Variants in WWOX observed in about 807,000 individuals in gnomAD.
The protein encoded by WWOX is WW domain containing oxidoreductase, also known as WW domain-containing oxidoreductase.
A neutral mutation model predicts 46.2 loss-of-function variants in WWOX; 69 were observed. The observed-to-expected ratio is 1.49, with a 90% CI of 1.23 to 1.82. WWOX has a LOEUF of 1.82. Among genes scored for constraint, WWOX ranks in the 40% most tolerant of loss-of-function variants. WWOX has a pLI of 0.00. For synonymous variants in WWOX, 359 were observed against 202.6 expected, an observed-to-expected ratio of 1.77 and a Z score of -6.56; for missense variants, 919 against 542.6, an observed-to-expected ratio of 1.69 and a Z score of -6.89.
chr16:78,647,867 T>C (rs987375389), intron 8 of WWOX, among the ~76,000 whole-genome samples: 1 of 151,554 alleles, frequency 6.6e-6, no homozygotes, highest in African/African-American at 2.4e-5. Flanking sequence ...AGCTCTTTTT[T>C]TCTCTCTCAC....
intron 8 of WWOX, among the ~76,000 whole-genome samples, chr16:78,795,247 A>C (rs9927025): frequency 0.11 from 17,058 of 152,168 alleles, 1,010 homozygotes; most frequent in Non-Finnish European, 0.12. Flanking sequence ...CTCTTTCTAC[A>C]TGTAAGGAAA....
In WWOX at chr16:78,942,722, G is replaced by T. The variant is rs750598445; in HGVS notation, c.1057-268886G>T. ...TAACTAACTGAACTTGATGGTCATC[G>T]CAAGACATAGGGGAGAAATATTTTG... On this transcript the variant is annotated intron_variant, in intron 8 of 8. Transcript: ENST00000566780. 6.6e-5 allele frequency among the ~76,000 whole-genome samples: 10 copies of T among 152,132 alleles called. No individual in the cohort carries two copies. In the South Asian group the frequency reaches 2.1e-3, roughly 32 times the overall value.
chr16:78,859,021 AAAAAAAATATATATATATATATATATATG>A (rs1162140638), intron 8 of WWOX, among the ~76,000 whole-genome samples: 9 of 33,454 alleles, frequency 2.7e-4, no homozygotes, highest in African/African-American at 9.1e-4. Context: ...AAAAAAAAAA[AAAAAAAATATATATATATATATATATATG>A]TATATATATA....
chr16:78,757,529 G>A (rs1330276176), intron 8 of WWOX, among the ~76,000 whole-genome samples: 5 of 152,108 alleles, frequency 3.3e-5, no homozygotes, highest in Admixed American at 1.3e-4. Context: ...ACAGGTAGTT[G>A]GGGTTTCACC....
intron 8 of WWOX, among the ~76,000 whole-genome samples, chr16:79,132,728 A>G (rs1431379907): frequency 6.6e-6 from 1 of 152,264 alleles, no homozygotes; most frequent in African/African-American, 2.4e-5. Context: ...ATACTTTAAA[A>G]AAGTTAAGCA....
intron 8 of WWOX, among the ~76,000 whole-genome samples, chr16:78,467,812 A>G (rs2084116474): frequency 6.6e-6 from 1 of 152,346 alleles, no homozygotes; most frequent in East Asian, 1.9e-4. Context: ...ATTTGGAAGA[A>G]CATACTTCAT....
intron 6 of WWOX, among the ~76,000 whole-genome samples, chr16:78,398,161 G>A (rs1480119484): frequency 3.9e-5 from 6 of 152,172 alleles, no homozygotes; most frequent in African/African-American, 1.2e-4. Flanking sequence ...ACTCTCAAGT[G>A]CAAACCCAGC....
At chr16:78,952,661 G>C (rs1268321087) in intron 8 of WWOX, among the ~76,000 whole-genome samples, 4 of 152,150 alleles carry the variant, frequency 2.6e-5, no homozygotes, top group Admixed American at 6.5e-5. Context: ...TGGGTTTACA[G>C]GTATGAGCCA....
At chr16:78,560,900 CACTT>C (rs143235374) in intron 8 of WWOX, among the ~76,000 whole-genome samples, 2,934 of 152,284 alleles carry the variant, frequency 0.019, 34 homozygotes, top group African/African-American at 0.036. Flanking sequence ...AATGACCACA[CACTT>C]AGCAGTTCAC....
chr16:78,913,696 A>G (rs961224539), intron 8 of WWOX, among the ~76,000 whole-genome samples: 7 of 149,890 alleles, frequency 4.7e-5, no homozygotes, highest in Non-Finnish European at 8.9e-5. Context: ...GGGTCTTGCT[A>G]TGTTGCCCAG....
At chr16:78,184,372 C>T (rs553214569) in intron 5 of WWOX, among the ~76,000 whole-genome samples, 1 of 152,164 alleles carries the variant, frequency 6.6e-6, no homozygotes, top group African/African-American at 2.4e-5. Context: ...AGAAAATGAC[C>T]TCATTATCAT....
chr16:79,078,975 A>G lies in WWOX; in HGVS notation c.1057-132633A>G, dbSNP rs144634057. Among the ~76,000 whole-genome samples, 101 of 152,270 alleles carry G rather than the reference A, an allele frequency of 6.6e-4. No homozygotes were observed. The Middle Eastern group carries it at 0.014, about 21-fold the overall frequency. On this transcript the variant is annotated intron_variant, in intron 8 of 8. Transcript: ENST00000566780. ...GGCCCTGAAGTTATTTTTCCCCCCAAATTTGATAGAAATCAGTAGAGATGC... is the reference window on the plus strand; with the variant it reads ...GGCCCTGAAGTTATTTTTCCCCCCAGATTTGATAGAAATCAGTAGAGATGC...
chr16:78,780,517 C>G (rs924590227), intron 8 of WWOX: 1 of 152,082 alleles, frequency 6.6e-6, no homozygotes, highest in African/African-American at 2.4e-5. Context: ...GGCAAGTAAG[C>G]AAGTAAATAT....
At chr16:78,438,585 G>A (rs796475801) in intron 8 of WWOX, among the ~76,000 whole-genome samples, 2 of 152,136 alleles carry the variant, frequency 1.3e-5, no homozygotes, top group East Asian at 3.9e-4. Context: ...TGCCTCTTAG[G>A]AGTGTTTTGT....
intron 5 of WWOX, among the ~76,000 whole-genome samples, chr16:78,362,745 G>A (rs2081438509): frequency 6.6e-6 from 1 of 152,222 alleles, no homozygotes; most frequent in Non-Finnish European, 1.5e-5. Context: ...AGTAGACACA[G>A]TTCATGAAGA....
At chr16:78,119,839 C>G (rs2033000531) in intron 4 of WWOX, among the ~76,000 whole-genome samples, 1 of 152,152 alleles carries the variant, frequency 6.6e-6, no homozygotes, top group Admixed American at 6.5e-5. Context: ...AACTTCTTAA[C>G]TTTCAGTCCT....
At chr16:78,291,019 A>G (rs1332655137) in intron 5 of WWOX, among the ~76,000 whole-genome samples, 1 of 152,154 alleles carries the variant, frequency 6.6e-6, no homozygotes, top group Non-Finnish European at 1.5e-5. Flanking sequence ...TCTTATTTAC[A>G]TTATACTTAG....
intron 5 of WWOX, among the ~76,000 whole-genome samples, chr16:78,329,403 C>T (rs1356610441): frequency 6.6e-6 from 1 of 152,172 alleles, no homozygotes; most frequent in Admixed American, 6.5e-5. Flanking sequence ...ACGAAGGTTC[C>T]AGACAGAGTG....
intron 8 of WWOX, among the ~76,000 whole-genome samples, chr16:78,771,477 A>G (rs1051372883): frequency 1.3e-5 from 2 of 152,222 alleles, no homozygotes; most frequent in African/African-American, 2.4e-5. Flanking sequence ...TATCCTTAAA[A>G]ATGCTTAAAA....
Sources: allele counts gnomAD v4.1 joint callset (sites outside exome capture counted in the v4.1 genomes callset), GRCh38; gene constraint gnomAD v4.1.1; transcripts MANE v1.5; gene names NCBI Gene and HGNC (gene_info 2026-07-23, HGNC 2026-07-21).